The following TENM3 variants were observed in gnomAD, a reference collection of about 807,000 sequenced individuals.
The protein encoded by TENM3 is teneurin transmembrane protein 3.
A neutral mutation model predicts 255.1 loss-of-function variants in TENM3; 63 were observed. The ratio of observed to expected loss-of-function variants is 0.25; its 90% CI spans 0.20 to 0.30. The LOEUF (loss-of-function observed/expected upper bound fraction) is 0.30. Ranked by LOEUF, TENM3 falls within the 10% of genes least tolerant of loss-of-function variation. The pLI is 1.00. For synonymous variants in TENM3, 1,306 were observed against 1,322.3 expected (o/e 0.99, Z 0.27); for missense variants, 2,929 against 3,461.1 (o/e 0.85, Z 3.86).
At chr4:182,640,874 G>A (rs1263813086) in intron 5 of TENM3, among the ~76,000 whole-genome samples, 1 of 152,216 alleles carries the variant, frequency 6.6e-6, no homozygotes, top group African/African-American at 2.4e-5. Flanking sequence ...ATGGAACGCA[G>A]GCTTCATAAG....
intron 10 of TENM3, among the ~76,000 whole-genome samples, chr4:182,681,412 A>G (rs1039302106): frequency 6.6e-6 from 1 of 152,250 alleles, no homozygotes; most frequent in African/African-American, 2.4e-5. Context: ...TAAGAAGGAT[A>G]GAGAGTATGC....
the TENM3 span, among the ~76,000 whole-genome samples, chr4:182,012,151 T>C: frequency 6.6e-6 from 1 of 152,232 alleles, no homozygotes; most frequent in African/African-American, 2.4e-5. Flanking sequence ...GTCTGAATTA[T>C]TGGCCCTTAA....
the TENM3 span, among the ~76,000 whole-genome samples, chr4:182,058,404 A>G: frequency 1.3e-5 from 2 of 152,280 alleles, no homozygotes; most frequent in Admixed American, 1.3e-4. Context: ...CTAAGTTTTT[A>G]GGTGATATGT....
the TENM3 span, among the ~76,000 whole-genome samples, chr4:182,027,663 G>GT: frequency 2.6e-5 from 4 of 151,706 alleles, no homozygotes; most frequent in Admixed American, 6.6e-5. Context: ...TTACTTTAGG[G>GT]TTTTTATCAT....
At chr4:181,738,025 T>C in the TENM3 span, among the ~76,000 whole-genome samples, 1 of 151,394 alleles carries the variant, frequency 6.6e-6, no homozygotes, top group Non-Finnish European at 1.5e-5. Flanking sequence ...GGGAAAGAGC[T>C]GAGAAAGGAT....
At chr4:182,138,865 C>T in the TENM3 span, among the ~76,000 whole-genome samples, 3 of 152,134 alleles carry the variant, frequency 2.0e-5, no homozygotes, top group Non-Finnish European at 4.4e-5. Flanking sequence ...AAAAGTGGTT[C>T]GTTGTAATGA....
At chr4:182,171,838 C>T (rs1752130741) in intron 1 of TENM3, among the ~76,000 whole-genome samples, 1 of 151,978 alleles carries the variant, frequency 6.6e-6, no homozygotes, top group African/African-American at 2.4e-5. Context: ...ATTTTCATGG[C>T]TTAATAACTG....
At chr4:182,494,897 T>C (rs563350205) in intron 3 of TENM3, among the ~76,000 whole-genome samples, 1 of 152,344 alleles carries the variant, frequency 6.6e-6, no homozygotes, top group South Asian at 2.1e-4. Flanking sequence ...AGATGACGTT[T>C]ATTAGATCAC....
the TENM3 span, among the ~76,000 whole-genome samples, chr4:181,797,169 T>C: frequency 6.6e-6 from 1 of 152,028 alleles, no homozygotes; most frequent in Non-Finnish European, 1.5e-5. Context: ...TTTTTTCCTT[T>C]TTTTTTTAAC....
chr4:181,528,242 G>C, the TENM3 span, among the ~76,000 whole-genome samples: 1 of 152,006 alleles, frequency 6.6e-6, no homozygotes, highest in African/African-American at 2.4e-5. Flanking sequence ...TAAAAATAAA[G>C]CTATCTAGTT....
At chr4:182,139,532 G>A (rs373177709), upstream of TENM3, among the ~76,000 whole-genome samples, 1 of 152,128 alleles carries the variant, frequency 6.6e-6, no homozygotes. Context: ...TGCCTACCTC[G>A]AGTACACTAT....
At chr4:182,214,566 G>C (rs1443340003) in intron 1 of TENM3, among the ~76,000 whole-genome samples, 1 of 150,540 alleles carries the variant, frequency 6.6e-6, no homozygotes, top group African/African-American at 2.4e-5. Flanking sequence ...GGGTCTTGCT[G>C]TGTTGCCCAG....
chr4:182,074,710 G>T, the TENM3 span, among the ~76,000 whole-genome samples: 1 of 152,168 alleles, frequency 6.6e-6, no homozygotes, highest in Non-Finnish European at 1.5e-5. Context: ...AGAAATTAAT[G>T]AGGGAGGAAA....
At chr4:182,097,282 C>T in the TENM3 span, among the ~76,000 whole-genome samples, 2 of 152,174 alleles carry the variant, frequency 1.3e-5, no homozygotes, top group Non-Finnish European at 2.9e-5. Flanking sequence ...TACTTCTCCT[C>T]TTCCTGAAGC....
chr4:181,580,576 A>C, the TENM3 span, among the ~76,000 whole-genome samples: 1 of 152,202 alleles, frequency 6.6e-6, no homozygotes, highest in South Asian at 2.1e-4. Context: ...GCACCTGACT[A>C]TGCTTAAGAA....
At chr4:182,274,648 C>T (rs1759871807) in intron 1 of TENM3, among the ~76,000 whole-genome samples, 1 of 152,090 alleles carries the variant, frequency 6.6e-6, no homozygotes, top group African/African-American at 2.4e-5. Context: ...TAAATAAGTG[C>T]AGATACGTAG....
chr4:182,060,011 G>C, the TENM3 span, among the ~76,000 whole-genome samples: 2 of 152,098 alleles, frequency 1.3e-5, no homozygotes, highest in African/African-American at 4.8e-5. Flanking sequence ...GGGAGGTCAA[G>C]GTGGGAGGAT....
At chr4:181,623,123 CA>C in the TENM3 span, among the ~76,000 whole-genome samples, 2 of 152,214 alleles carry the variant, frequency 1.3e-5, no homozygotes, top group Admixed American at 1.3e-4. Flanking sequence ...CCATTTAAAT[CA>C]CACAAAGTTG....
chr4:182,715,163 G>A (rs757610144), intron 13 of TENM3, among the ~76,000 whole-genome samples: 2 of 152,218 alleles, frequency 1.3e-5, no homozygotes, highest in Non-Finnish European at 2.9e-5. Flanking sequence ...GATTACAGGC[G>A]TGAGCCACCG....
Sources: allele counts gnomAD v4.1 joint callset (sites outside exome capture counted in the v4.1 genomes callset), GRCh38; gene constraint gnomAD v4.1.1; transcripts MANE v1.5; gene names NCBI Gene and HGNC (gene_info 2026-07-23, HGNC 2026-07-21).